The following SAFB variants were observed in gnomAD, a reference collection of about 807,000 sequenced individuals.
The protein encoded by SAFB is scaffold attachment factor B.
A neutral mutation model predicts 101.6 loss-of-function variants in SAFB; 15 were observed. The observed-to-expected ratio is 0.15, with a 90% CI of 0.10 to 0.23. The LOEUF (loss-of-function observed/expected upper bound fraction) is 0.23. Ranked by LOEUF, SAFB falls within the 10% of genes least tolerant of loss-of-function variation. SAFB has a pLI of 1.00. For synonymous variants in SAFB, 449 were observed against 407.5 expected, an observed-to-expected ratio of 1.10 and a Z score of -1.23; for missense variants, 930 against 1,104.1, an observed-to-expected ratio of 0.84 and a Z score of 2.23.
chr19:5,663,010 A>AT (rs978649909), intron 15 of SAFB, among the ~76,000 whole-genome samples: 3 of 146,456 alleles, frequency 2.0e-5, no homozygotes, highest in Admixed American at 6.9e-5. Context: ...TTAAAAAAAA[A>AT]TTTTTTTTTG....
chr19:5,626,320 A>T (rs571790679), intron 1 of SAFB, 85 bp from the exon 2 acceptor site: 3 of 787,270 alleles, frequency 3.8e-6, no homozygotes, highest in Admixed American at 4.1e-5. Context: ...TCTTAAAAAT[A>T]CAGTTTCCTT....
rs564521078 is a variant in SAFB, at chr19:5,651,977, C to T, written c.1293+905C>T. Among the ~76,000 whole-genome samples, 5 of 152,234 alleles carry T rather than the reference C, an allele frequency of 3.3e-5. No individual in the cohort carries two copies. In the East Asian group the frequency reaches 7.7e-4, roughly 24 times the overall value. Reference sequence around the variant, plus strand: ...TTGGGAGGCCGAGGTGGGTGGATCACGAGGTCAGGAGTTTGAGACCAGCTT... The same window carrying T: ...TTGGGAGGCCGAGGTGGGTGGATCATGAGGTCAGGAGTTTGAGACCAGCTT... On this transcript the variant is annotated intron_variant, in intron 9 of 20. Transcript: ENST00000588852.
intron 8 of SAFB, among the ~76,000 whole-genome samples, chr19:5,650,393 A>G (rs2053911503): frequency 1.3e-5 from 2 of 152,146 alleles, no homozygotes; most frequent in African/African-American, 4.8e-5. Flanking sequence ...TGCACACTGC[A>G]CTTCCTCCTG....
intron 15 of SAFB, 109 bp downstream of exon 15, chr19:5,661,917 C>T: frequency 1.2e-6 from 1 of 846,000 alleles, no homozygotes. Context: ...CGGAGTCTTG[C>T]TTTGTCGCGG....
chr19:5,660,014 C>T (rs1332399347), intron 14 of SAFB, among the ~76,000 whole-genome samples: 2 of 152,126 alleles, frequency 1.3e-5, no homozygotes, highest in Admixed American at 6.5e-5. Context: ...CAGGTGTGGG[C>T]GGATCCAAGA....
At chr19:5,637,343 C>CAAAAAAAAAA (rs553264134) in intron 2 of SAFB, among the ~76,000 whole-genome samples, 1 of 67,266 alleles carries the variant, frequency 1.5e-5, no homozygotes. Flanking sequence ...GACTCCATCT[C>CAAAAAAAAAA]AAAAAAAAAA....
intron 2 of SAFB, among the ~76,000 whole-genome samples, chr19:5,630,768 A>C (rs191500293): frequency 0.017 from 2,534 of 151,954 alleles, 43 homozygotes; most frequent in East Asian, 0.027. Context: ...AAAAAAAAAA[A>C]CTATATGTAT....
Position 5,667,980 on chromosome 19 carries a change from C to A in SAFB, c.2624+94C>A. ...ACAACCAAGTCCTTCCAGCTAGTGC[C>A]CCTCCCCCCAAGGGTGACGTGAGGC... On this transcript the variant is annotated intron_variant, in intron 20 of 20. Transcript: ENST00000588852. The surrounding 1 kb of genome is among the most constrained non-coding windows in gnomAD (Gnocchi z 4.0). 1 of 1,441,740 alleles carries A rather than the reference C, an allele frequency of 6.9e-7. No individual in the cohort carries two copies. The highest frequency in any genetic ancestry group is 9.4e-7 in the Non-Finnish European group (1 of 1,060,790). The allele number at this position is 1,441,740 out of a possible 1,614,324, so 89.3% of individuals were successfully genotyped here. A position where few individuals can be genotyped will look rare whatever the true frequency, so the allele number is the denominator to read the frequency against.
intron 15 of SAFB, among the ~76,000 whole-genome samples, chr19:5,662,865 C>T (rs995019287): frequency 6.6e-6 from 1 of 151,904 alleles, no homozygotes; most frequent in African/African-American, 2.4e-5. Context: ...TGATCTCAAA[C>T]TCCTGACCTC....
intron 2 of SAFB, among the ~76,000 whole-genome samples, chr19:5,634,223 T>C (rs2053549208): frequency 6.6e-6 from 1 of 152,110 alleles, no homozygotes; most frequent in East Asian, 1.9e-4. Context: ...ATATGATGAC[T>C]TTTTATCAGA....
intron 16 of SAFB, 107 bp downstream of exon 16, chr19:5,664,266 T>TG: frequency 1.4e-6 from 2 of 1,450,206 alleles, no homozygotes; most frequent in Middle Eastern, 1.7e-4. Context: ...ATCAGATGTA[T>TG]GCTGAGTCAG....
chr19:5,626,118 C>T (rs923779538), intron 1 of SAFB, among the ~76,000 whole-genome samples: 2 of 152,192 alleles, frequency 1.3e-5, no homozygotes, highest in Middle Eastern at 3.4e-3. Context: ...AACAGCCTTC[C>T]AGGGTAAGTA....
At chr19:5,650,583 T>C (rs1399051087) in intron 8 of SAFB, among the ~76,000 whole-genome samples, 2 of 152,114 alleles carry the variant, frequency 1.3e-5, no homozygotes, top group Non-Finnish European at 2.9e-5. Flanking sequence ...AGCTGATTTT[T>C]TGTATTTTTA....
rs927474422 is a variant in SAFB at position 5,649,951 on chromosome 19, A to G, written c.1174A>G (p.Lys392Glu). ...MSSPEDDSDT[K>E]RLSKEEKGRS... ...TTCTCCCGAAGATGACTCGGATACAAAAAGGCTTTCCAAAGAGGAAAAGGG... is the reference window on the plus strand; with the variant it reads ...TTCTCCCGAAGATGACTCGGATACAGAAAGGCTTTCCAAAGAGGAAAAGGG... Residue 392 changes from lysine to glutamate, a missense_variant, in exon 8 of 21, where the codon AAA (lysine) becomes GAA (glutamate). Lys to Glu is a moderately conservative substitution (Grantham distance 56). Transcript: ENST00000588852. 2 of 1,613,988 alleles carry G rather than the reference A, an allele frequency of 1.2e-6. No homozygotes were observed. The highest frequency in any genetic ancestry group is 2.7e-5 in the African/African-American group (2 of 74,916).
At chr19:5,623,861 C>T (rs2145379581) in intron 1 of SAFB, 2 of 156,702 alleles carry the variant, frequency 1.3e-5, no homozygotes, top group South Asian at 3.7e-4. Flanking sequence ...CTTTGTGACC[C>T]ACAGGGGACC....
At position 5,664,047 on chromosome 19, in the gene SAFB, G is replaced by A; in HGVS notation, c.2179G>A (p.Ala727Thr). The change falls in exon 16 of 21, where the codon GCC (alanine) becomes ACC (threonine). Residue 727 changes from alanine to threonine, a missense_variant. This residue lies in a region of SAFB where 318 missense variants were observed against 342.6 expected (regional missense o/e 0.93). Coordinates refer to ENST00000588852, the MANE Select transcript of SAFB (RefSeq NM_001201338.2). ...GCGAGATGATGCCTATTGGCCGGAAGCCAAGCGGGCCGCCCTGGATGAGCG... is the reference window on the plus strand; with the variant it reads ...GCGAGATGATGCCTATTGGCCGGAAACCAAGCGGGCCGCCCTGGATGAGCG... ...DRRDDAYWPE[A>T]KRAALDERYH... 1 of 1,614,058 alleles carries A rather than the reference G, an allele frequency of 6.2e-7. No homozygotes were observed. The highest frequency in any genetic ancestry group is 8.5e-7 in the Non-Finnish European group (1 of 1,180,038).
chr19:5,632,232 A>C (rs1431679771), intron 2 of SAFB, among the ~76,000 whole-genome samples: 2 of 152,084 alleles, frequency 1.3e-5, no homozygotes, highest in Non-Finnish European at 2.9e-5. Flanking sequence ...GTTTTTGTTC[A>C]TTTTGGCAAT....
At chr19:5,668,113 C>G (rs368351570) in intron 20 of SAFB, 49 bp from the exon 21 acceptor site, 3 of 1,590,798 alleles carry the variant, frequency 1.9e-6, no homozygotes, top group Non-Finnish European at 2.6e-6. Flanking sequence ...TGGGATGGGC[C>G]GGGGAGCAGG....
chr19:5,660,806 G>A (rs2054182147), intron 14 of SAFB, among the ~76,000 whole-genome samples: 1 of 149,122 alleles, frequency 6.7e-6, no homozygotes, highest in Non-Finnish European at 1.5e-5. Flanking sequence ...GTATCCAAAA[G>A]ATACAGCTGC....
Sources: gnomAD v4.1 joint callset for allele counts (sites outside exome capture counted in the v4.1 genomes callset) on GRCh38, gnomAD v4.1.1 for gene constraint, gnomAD v4.1.1 regional missense constraint, Gnocchi (gnomAD v3.1) non-coding constraint, MANE v1.5 for transcripts, NCBI Gene and HGNC (gene_info 2026-07-23, HGNC 2026-07-21) for gene names.